The following TENM3 variants were observed in gnomAD, a reference collection of about 807,000 sequenced individuals.
TENM3 encodes teneurin-3.
A neutral mutation model predicts 255.1 loss-of-function variants in TENM3; 63 were observed. The ratio of observed to expected loss-of-function variants is 0.25; its 90% CI spans 0.20 to 0.30. The LOEUF is 0.30. Among genes scored for constraint, TENM3 ranks in the 10% least tolerant of loss-of-function variants. The pLI, the probability that TENM3 is intolerant of heterozygous loss-of-function variation, is 1.00. For missense variants in TENM3, 2,929 were observed against 3,461.1 expected, an observed-to-expected ratio of 0.85 and a Z score of 3.86; for synonymous variants, 1,306 against 1,322.3, an observed-to-expected ratio of 0.99 and a Z score of 0.27.
chr4:182,087,119 AC>A, the TENM3 span, among the ~76,000 whole-genome samples: 1 of 152,200 alleles, frequency 6.6e-6, no homozygotes, highest in Admixed American at 6.5e-5. Flanking sequence ...TTAGCTGATC[AC>A]ACAAACACAT....
intron 5 of TENM3, among the ~76,000 whole-genome samples, chr4:182,644,010 C>G (rs756434771): frequency 6.6e-6 from 1 of 152,144 alleles, no homozygotes; most frequent in African/African-American, 2.4e-5. Context: ...TATTAAACAG[C>G]GTTTAGCCAA....
chr4:182,701,512 A>T (rs13150355), intron 12 of TENM3, among the ~76,000 whole-genome samples: 19 of 151,504 alleles, frequency 1.3e-4, no homozygotes, highest in African/African-American at 4.1e-4. Context: ...GAGCCACTGC[A>T]CCTGGCCCCA....
chr4:182,748,418 T>C (rs1400869146), intron 19 of TENM3, among the ~76,000 whole-genome samples: 3 of 152,138 alleles, frequency 2.0e-5, no homozygotes, highest in South Asian at 4.2e-4. Context: ...TCACAGTAGA[T>C]AGATTACTGA....
intron 1 of TENM3, among the ~76,000 whole-genome samples, chr4:182,191,511 C>T (rs994926991): frequency 3.9e-5 from 6 of 152,140 alleles, no homozygotes; most frequent in Admixed American, 1.3e-4. Context: ...CTTCTCCTTA[C>T]GTACATGTTA....
At chr4:181,577,034 A>G in the TENM3 span, among the ~76,000 whole-genome samples, 7 of 129,976 alleles carry the variant, frequency 5.4e-5, no homozygotes, top group Admixed American at 4.6e-4. Flanking sequence ...TATGCAATAT[A>G]TATTTTATTA....
At chr4:182,505,853 T>C (rs1055745888) in intron 3 of TENM3, among the ~76,000 whole-genome samples, 11 of 152,224 alleles carry the variant, frequency 7.2e-5, no homozygotes, top group African/African-American at 2.7e-4. Flanking sequence ...TGTCATCATG[T>C]GCTTACTGAA....
the TENM3 span, among the ~76,000 whole-genome samples, chr4:181,457,076 G>A: frequency 6.6e-6 from 1 of 151,696 alleles, no homozygotes; most frequent in Non-Finnish European, 1.5e-5. Context: ...TTACTTAATT[G>A]GTCATGAAAC....
chr4:181,814,957 CAA>C, the TENM3 span, among the ~76,000 whole-genome samples: 1 of 151,028 alleles, frequency 6.6e-6, no homozygotes, highest in Non-Finnish European at 1.5e-5. Context: ...AAATGAAAAA[CAA>C]AAAGAGTAGA....
At chr4:181,607,597 G>A in the TENM3 span, among the ~76,000 whole-genome samples, 11 of 151,830 alleles carry the variant, frequency 7.2e-5, no homozygotes, top group African/African-American at 2.7e-4. Flanking sequence ...TAGAGACGGG[G>A]TTTCACCATG....
chr4:182,176,757 G>A (rs1034035141), intron 1 of TENM3, among the ~76,000 whole-genome samples: 6 of 150,284 alleles, frequency 4.0e-5, no homozygotes, highest in African/African-American at 1.5e-4. Flanking sequence ...AACCTCCTAG[G>A]TTCAAGCGAT....
intron 3 of TENM3, among the ~76,000 whole-genome samples, chr4:182,376,395 G>A (rs940548066): frequency 2.0e-5 from 3 of 152,076 alleles, no homozygotes; most frequent in Admixed American, 6.6e-5. Flanking sequence ...ACTAATTGTC[G>A]ACAGTTACTC....
At chr4:182,453,022 A>ATG (rs1024983336) in intron 3 of TENM3, among the ~76,000 whole-genome samples, 39 of 39,652 alleles carry the variant, frequency 9.8e-4, no homozygotes, top group Non-Finnish European at 1.1e-3. Flanking sequence ...TTATTTTTAT[A>ATG]TGTGTATATA....
intron 1 of TENM3, among the ~76,000 whole-genome samples, chr4:182,215,382 T>C (rs1448578320): frequency 1.3e-5 from 2 of 151,932 alleles, no homozygotes; most frequent in African/African-American, 4.8e-5. Context: ...CTTCACTCGA[T>C]GAGTTTTTTA....
At chr4:182,063,355 G>A in the TENM3 span, among the ~76,000 whole-genome samples, 1 of 152,102 alleles carries the variant, frequency 6.6e-6, no homozygotes, top group East Asian at 1.9e-4. Flanking sequence ...AGGAGAATAA[G>A]AGGCTTAAAA....
chr4:181,952,563 A>C, the TENM3 span, among the ~76,000 whole-genome samples: 1 of 152,234 alleles, frequency 6.6e-6, no homozygotes, highest in Non-Finnish European at 1.5e-5. Flanking sequence ...GGAAGAAAGA[A>C]GACAATTCAT....
At chr4:182,516,936 C>A (rs972727360) in intron 3 of TENM3, among the ~76,000 whole-genome samples, 5 of 149,920 alleles carry the variant, frequency 3.3e-5, no homozygotes, top group East Asian at 2.0e-4. Flanking sequence ...ATGAAAAAAA[C>A]CAGAGAGTTG....
intron 19 of TENM3, among the ~76,000 whole-genome samples, chr4:182,747,646 G>A (rs1308588039): frequency 3.3e-5 from 5 of 151,980 alleles, no homozygotes; most frequent in Non-Finnish European, 7.4e-5. Context: ...CCAGCCAAAG[G>A]GCACTTAAAC....
chr4:182,224,899 G>A (rs10012841), intron 1 of TENM3, among the ~76,000 whole-genome samples: 10,821 of 151,968 alleles, frequency 0.071, 439 homozygotes, highest in African/African-American at 0.11. Flanking sequence ...GCCACACCTG[G>A]CTAATTTTTG....
At chr4:182,423,074 G>A (rs1255169371) in intron 3 of TENM3, among the ~76,000 whole-genome samples, 2 of 152,134 alleles carry the variant, frequency 1.3e-5, no homozygotes, top group African/African-American at 4.8e-5. Flanking sequence ...TTTAAGCTGT[G>A]ATCCATAAAA....
Sources: gnomAD v4.1 joint callset for allele counts (sites outside exome capture counted in the v4.1 genomes callset) on GRCh38, gnomAD v4.1.1 for gene constraint, MANE v1.5 for transcripts, NCBI Gene and HGNC (gene_info 2026-07-23, HGNC 2026-07-21) for gene names.